ZMYND11: variants seen among roughly 807,000 people sequenced by gnomAD.
ZMYND11 encodes zinc finger MYND domain-containing protein 11.
In ZMYND11, 9 loss-of-function variants were observed where a neutral mutation model predicts 84.9. The observed-to-expected ratio is 0.11, with a 90% CI of 0.06 to 0.18. ZMYND11 has a LOEUF of 0.18. ZMYND11 is among the 10% of genes least tolerant of loss of function. The pLI is 1.00. For synonymous variants in ZMYND11, 250 were observed against 244.1 expected (o/e 1.02, Z -0.23); for missense variants, 409 against 761.0 (o/e 0.54, Z 5.44).
At chr10:180,176 T>C (rs764969244) in intron 2 of ZMYND11, 48 bp downstream of exon 2, 42 of 1,527,040 alleles carry the variant, frequency 2.8e-5, no homozygotes, top group Non-Finnish European at 3.7e-5. Context: ...CGTAGAAGAC[T>C]TTGGGGGAAA....
At chr10:145,235 T>C (rs1838519685) in intron 1 of ZMYND11, among the ~76,000 whole-genome samples, 3 of 151,236 alleles carry the variant, frequency 2.0e-5, no homozygotes, top group South Asian at 4.2e-4. Context: ...TGTATATATA[T>C]GTGTGTGTAT....
At chr10:199,309 TC>T (rs1942549521) in intron 2 of ZMYND11, among the ~76,000 whole-genome samples, 1 of 134,810 alleles carries the variant, frequency 7.4e-6, no homozygotes, top group African/African-American at 2.9e-5. Context: ...CTCCCTCTCT[TC>T]CTCCCTCCCT....
chr10:211,444 A>C (rs865979439), intron 3 of ZMYND11, among the ~76,000 whole-genome samples: 2 of 152,148 alleles, frequency 1.3e-5, no homozygotes, highest in Non-Finnish European at 2.9e-5. Flanking sequence ...TTTTCCAAAA[A>C]GTTTGAGTTT....
chr10:246,101 A>C (rs555152039), intron 10 of ZMYND11, among the ~76,000 whole-genome samples: 1 of 152,270 alleles, frequency 6.6e-6, no homozygotes, highest in South Asian at 2.1e-4. Context: ...GTTCTTTCCA[A>C]CAGAAGCAAA....
In ZMYND11 at chr10:252,528, G is replaced by C; in HGVS notation, c.*58G>C. The C allele has an allele frequency of 6.5e-7, 1 of 1,531,212 alleles. No homozygotes were observed. The highest frequency in any genetic ancestry group is 8.8e-7 in the Non-Finnish European group (1 of 1,141,068). The allele number at this position is 1,531,212 out of a possible 1,614,324, so 94.9% of individuals were successfully genotyped here. The stretch of plus-strand genomic sequence containing the variant: ...ACTCTTTTCAGACACAGCGGTTTTT[G>C]TTTCCAAGAAGCCAAAATTGTTTAG... On this transcript the variant is annotated 3_prime_UTR_variant, in exon 15 of 15. Coordinates refer to ENST00000381604, the MANE Select transcript of ZMYND11 (RefSeq NM_001370100.5). This position sits in a 1 kb window ranked among gnomAD's most constrained non-coding sequence, Gnocchi z 4.6.
chr10:142,040 T>G (rs142329484), intron 1 of ZMYND11, among the ~76,000 whole-genome samples: 9 of 152,330 alleles, frequency 5.9e-5, no homozygotes, highest in Non-Finnish European at 1.0e-4. Flanking sequence ...TGAGTCTACT[T>G]TGTAAGCAGT....
At chr10:158,919 A>T (rs1234460186) in intron 1 of ZMYND11, among the ~76,000 whole-genome samples, 2 of 129,906 alleles carry the variant, frequency 1.5e-5, no homozygotes, top group Non-Finnish European at 3.3e-5. Context: ...CTGTATTTCT[A>T]TTGTTGTAAT....
chr10:250,044 C>T lies in ZMYND11; in HGVS notation c.1686+956C>T, dbSNP rs185302855. Among the ~76,000 whole-genome samples, 192 of 152,294 alleles carry T rather than the reference C, an allele frequency of 1.3e-3. 1 individual carries two copies. Among genetic ancestry groups the T allele is most frequent in the African/African-American group, 4.5e-3 (186 of 41,560 alleles). ...CAACCTGCACATTGGGTGTTATAGC[C>T]TTCAGTACAAGTGAAAGCGTGCTTT... On this transcript the variant is annotated intron_variant, in intron 14 of 14. Coordinates refer to ENST00000381604, the MANE Select transcript of ZMYND11 (RefSeq NM_001370100.5).
In ZMYND11 at chr10:155,375, A is replaced by G. The variant is rs144236861; in HGVS notation, c.-20+19816A>G. ...GTATATAAAGAATTTTTGGCTGGGT[A>G]TGGTGGCCCACACCTGTAATCCCAG... is the stretch of plus-strand genomic sequence containing the variant. On this transcript the variant is annotated intron_variant, in intron 1 of 14. Transcript: ENST00000381604. Among the ~76,000 whole-genome samples, 24 of 152,274 alleles carry G rather than the reference A, an allele frequency of 1.6e-4. 1 individual carries two copies. The East Asian group carries it at 4.6e-3, about 29-fold the overall frequency.
intron 2 of ZMYND11, among the ~76,000 whole-genome samples, chr10:199,645 C>G (rs1330694641): frequency 6.6e-6 from 1 of 151,934 alleles, no homozygotes; most frequent in Admixed American, 6.6e-5. Flanking sequence ...TGCTGCCCAG[C>G]TGGTATCAAA....
chr10:170,561 A>G (rs929805332), intron 1 of ZMYND11, among the ~76,000 whole-genome samples: 5 of 151,994 alleles, frequency 3.3e-5, no homozygotes, highest in African/African-American at 1.2e-4. Flanking sequence ...AATTCAGAAT[A>G]TTGTGTTACT....
intron 4 of ZMYND11, among the ~76,000 whole-genome samples, chr10:229,894 CAG>C (rs1367257288): frequency 1.3e-5 from 2 of 152,080 alleles, no homozygotes; most frequent in African/African-American, 4.8e-5. Context: ...GACGATATTA[CAG>C]AGTGTTTTGA....
rs140641373 is a variant in ZMYND11, at chr10:190,120, A to G, written c.116+9992A>G. On this transcript the variant is annotated intron_variant, in intron 2 of 14. Coordinates refer to ENST00000381604, the MANE Select transcript of ZMYND11 (RefSeq NM_001370100.5). ...TGAATGTAGAAATGGTAAAAGTAAAACACAGTCATTTTTTTCCACCGCAGC... is the reference window on the plus strand; with the variant it reads ...TGAATGTAGAAATGGTAAAAGTAAAGCACAGTCATTTTTTTCCACCGCAGC... 5.8e-3 allele frequency among the ~76,000 whole-genome samples: 883 copies of G among 152,180 alleles called. 7 individuals are homozygous for G. Among genetic ancestry groups the G allele is most frequent in the African/African-American group, 0.018 (747 of 41,512 alleles).
intron 3 of ZMYND11, among the ~76,000 whole-genome samples, chr10:212,346 C>T (rs988165998): frequency 3.3e-5 from 5 of 152,046 alleles, no homozygotes; most frequent in African/African-American, 1.2e-4. Context: ...GTAAACCAAA[C>T]ATATAGTATA....
chr10:248,090 CTTATGT>C (rs1952549028), intron 12 of ZMYND11, among the ~76,000 whole-genome samples: 4 of 152,132 alleles, frequency 2.6e-5, no homozygotes, highest in Non-Finnish European at 4.4e-5. Context: ...ATAAATGAAG[CTTATGT>C]TTATAATTAT....
At chr10:240,169 G>A in intron 8 of ZMYND11, 58 bp downstream of exon 8, 1 of 1,379,410 alleles carries the variant, frequency 7.2e-7, no homozygotes. Flanking sequence ...ATTTATTTCA[G>A]GATTCCACTC....
chr10:232,119 C>G (rs913912674), intron 4 of ZMYND11, among the ~76,000 whole-genome samples: 1 of 152,212 alleles, frequency 6.6e-6, no homozygotes, highest in African/African-American at 2.4e-5. Flanking sequence ...TTATGTTTTT[C>G]TGACCTTGTT....
intron 4 of ZMYND11, among the ~76,000 whole-genome samples, chr10:235,498 TC>T (rs1949796240): frequency 6.6e-6 from 1 of 152,094 alleles, no homozygotes. Flanking sequence ...GGACACTCTG[TC>T]TTGGCCATGC....
chr10:168,555 T>A (rs1420523218), intron 1 of ZMYND11, among the ~76,000 whole-genome samples: 1 of 152,136 alleles, frequency 6.6e-6, no homozygotes, highest in African/African-American at 2.4e-5. Flanking sequence ...AGGGAAACAT[T>A]CTGTATTTTC....
Sources: gnomAD v4.1 joint callset for allele counts (sites outside exome capture counted in the v4.1 genomes callset) on GRCh38, gnomAD v4.1.1 for gene constraint, Gnocchi (gnomAD v3.1) non-coding constraint, MANE v1.5 for transcripts, NCBI Gene and HGNC (gene_info 2026-07-23, HGNC 2026-07-21) for gene names.